PHF2: variants seen among roughly 807,000 people sequenced by gnomAD.
The protein encoded by PHF2 is PHD finger protein 2.
In PHF2, 27 loss-of-function variants were observed where a neutral mutation model predicts 120.5. The ratio of observed to expected loss-of-function variants is 0.22; its 90% CI spans 0.17 to 0.31. PHF2 has a LOEUF of 0.31. Among genes scored for constraint, PHF2 ranks in the 10% least tolerant of loss-of-function variants. The pLI is 1.00. For synonymous variants in PHF2, 568 were observed against 592.5 expected (o/e 0.96, Z 0.60); for missense variants, 1,024 against 1,434.8 (o/e 0.71, Z 4.63).
intron 20 of PHF2, 64 bp from the exon 21 acceptor site, chr9:93,676,530 C>T (rs1826914381): frequency 2.6e-6 from 4 of 1,532,774 alleles, no homozygotes; most frequent in East Asian, 2.3e-5. Flanking sequence ...ATGCCGGGAG[C>T]TCCCTGCTCT....
intron 9 of PHF2, 81 bp from the exon 10 acceptor site, chr9:93,658,064 C>G (rs1826491215): frequency 2.2e-6 from 2 of 907,870 alleles, no homozygotes; most frequent in Admixed American, 4.0e-5. Flanking sequence ...CTGGCATCCC[C>G]CGGTCTGGCT....
At chr9:93,662,766 G>A in intron 12 of PHF2, 141 bp from the exon 13 acceptor site, 1 of 870,668 alleles carries the variant, frequency 1.1e-6, no homozygotes, top group Non-Finnish European at 1.8e-6. Context: ...ATGGGTGGGT[G>A]AATGGATGCG....
chr9:93,612,229 A>G (rs891002508), intron 1 of PHF2, among the ~76,000 whole-genome samples: 8 of 152,240 alleles, frequency 5.3e-5, no homozygotes, highest in African/African-American at 1.9e-4. Flanking sequence ...TGCTGCAGTG[A>G]ATACACATGA....
intron 4 of PHF2, among the ~76,000 whole-genome samples, chr9:93,646,503 G>A (rs929078561): frequency 2.6e-5 from 4 of 152,210 alleles, no homozygotes; most frequent in Admixed American, 1.3e-4. Flanking sequence ...AACCCTGAAC[G>A]GGCAAACCCC....
intron 1 of PHF2, among the ~76,000 whole-genome samples, chr9:93,587,056 C>T (rs1222883165): frequency 6.6e-6 from 1 of 152,240 alleles, no homozygotes; most frequent in African/African-American, 2.4e-5. Context: ...GAGGACAAGG[C>T]ACAACATTCT....
At position 93,630,001 on chromosome 9, in the gene PHF2, G is replaced by C. The variant is rs773872264; in HGVS notation, c.130G>C (p.Asp44His). 6.2e-7 allele frequency: 1 copy of C among 1,613,868 alleles called. No homozygotes were observed. The highest frequency in any genetic ancestry group is 8.5e-7 in the Non-Finnish European group (1 of 1,180,024). The change falls in exon 2 of 22, where the codon GAC becomes CAC. Residue 44 changes from aspartate to histidine, a missense_variant. Coordinates refer to ENST00000359246, the MANE Select transcript of PHF2 (RefSeq NM_005392.4). Reference protein sequence around the residue: ...CVGVEEEEAPDIDIYHCPNCE... With the variant: ...CVGVEEEEAPHIDIYHCPNCE... ...TGGGGTGGAAGAGGAGGAGGCGCCCGACATCGACATATACCACTGCCCAAA... is the reference window on the plus strand; with the variant it reads ...TGGGGTGGAAGAGGAGGAGGCGCCCCACATCGACATATACCACTGCCCAAA...
chr9:93,671,721 C>A (rs1394849573), intron 17 of PHF2, among the ~76,000 whole-genome samples: 11 of 126,178 alleles, frequency 8.7e-5, no homozygotes, highest in Non-Finnish European at 1.8e-4. Flanking sequence ...GGTGTAGATG[C>A]AGGTGTGGGT....
At chr9:93,626,574 T>C (rs536921566) in intron 1 of PHF2, among the ~76,000 whole-genome samples, 1 of 152,238 alleles carries the variant, frequency 6.6e-6, no homozygotes, top group African/African-American at 2.4e-5. Flanking sequence ...CAAAAAAGTT[T>C]TTAATTTTGA....
At chr9:93,605,668 C>T (rs114765802) in intron 1 of PHF2, among the ~76,000 whole-genome samples, 10 of 152,146 alleles carry the variant, frequency 6.6e-5, no homozygotes, top group East Asian at 1.9e-4. Flanking sequence ...CGTAGTATGT[C>T]GGCTTTTCAC....
chr9:93,633,282 A>G (rs115030881), intron 2 of PHF2, among the ~76,000 whole-genome samples: 4,384 of 152,302 alleles, frequency 0.029, 203 homozygotes, highest in African/African-American at 0.098. Context: ...GGCAGGGGCC[A>G]TAGGCCCACA....
chr9:93,631,319 G>C (rs566481605), intron 2 of PHF2, among the ~76,000 whole-genome samples: 112 of 152,216 alleles, frequency 7.4e-4, no homozygotes, highest in Middle Eastern at 6.8e-3. Context: ...TTCAGGTCTC[G>C]ACCCTATCCC....
At chr9:93,659,994 C>T (rs1055112546) in intron 11 of PHF2, among the ~76,000 whole-genome samples, 198 bp from the exon 12 acceptor site, 2 of 152,094 alleles carry the variant, frequency 1.3e-5, no homozygotes, top group Non-Finnish European at 2.9e-5. Flanking sequence ...CATGGCATGT[C>T]GCAGGTGTGA....
chr9:93,636,478 T>G lies in PHF2; in HGVS notation c.252T>G (p.Asn84Lys). 1.2e-6 allele frequency: 2 copies of G among 1,608,120 alleles called. No individual in the cohort carries two copies. The highest frequency in any genetic ancestry group is 1.7e-6 in the Non-Finnish European group (2 of 1,177,654). Residue 84 changes from asparagine (N) to lysine (K), a missense_variant, in exon 3 of 22, where the codon AAT (asparagine) becomes AAG (lysine). Transcript: ENST00000359246. ...CGCCTGACGTCAAGCCCGTGCAGAATGGCAGCCAGCTCTTCATCAAGGAGC... is the reference window on the plus strand; with the variant it reads ...CGCCTGACGTCAAGCCCGTGCAGAAGGGCAGCCAGCTCTTCATCAAGGAGC... The part of the protein sequence containing the change: ...GQAPDVKPVQ[N>K]GSQLFIKELR...
intron 1 of PHF2, among the ~76,000 whole-genome samples, chr9:93,590,470 C>T (rs1022765784): frequency 6.6e-6 from 1 of 152,232 alleles, no homozygotes; most frequent in African/African-American, 2.4e-5. Context: ...GCAGGTGCTT[C>T]CTGGATGCTC....
intron 1 of PHF2, among the ~76,000 whole-genome samples, chr9:93,625,784 C>G (rs1038716603): frequency 1.3e-5 from 2 of 151,710 alleles, no homozygotes; most frequent in Non-Finnish European, 2.9e-5. Flanking sequence ...AGTACCTATT[C>G]TTAATTCTTT....
chr9:93,642,364 T>C (rs1223079896), intron 3 of PHF2, among the ~76,000 whole-genome samples: 1 of 152,266 alleles, frequency 6.6e-6, no homozygotes, highest in Non-Finnish European at 1.5e-5. Flanking sequence ...AGTTTTCCAT[T>C]GTTTCTTGAA....
intron 1 of PHF2, 36 bp from the exon 2 acceptor site, chr9:93,629,934 A>T: frequency 6.3e-7 from 1 of 1,598,966 alleles, no homozygotes; most frequent in East Asian, 2.2e-5. Context: ...GGGGGTGCTG[A>T]ATGCCTAGGT....
In PHF2 at chr9:93,679,192, T is replaced by C; in HGVS notation, c.*1516T>C. ...TTATATACCCATTACCTGGATGTTT[T>C]TGTCCACTGGGAGAGGCAGCTTGGT... On this transcript the variant is annotated 3_prime_UTR_variant, in exon 22 of 22. Transcript: ENST00000359246. The C allele has an allele frequency of 2.2e-6, 1 of 455,192 alleles. No individual in the cohort carries two copies. The highest frequency in any genetic ancestry group is 4.4e-6 in the Non-Finnish European group (1 of 226,702). The allele number at this position is 455,192 out of a possible 1,614,324, so 28.2% of individuals were successfully genotyped here.
rs373659582 is a variant in PHF2, at chr9:93,649,180, C to T, written c.570C>T (p.Leu190=). The stretch of plus-strand genomic sequence containing the variant: ...ACAGCACCAACCGCAAGCGGGTCCT[C>T]AACGTCACCAACCTCGAGTTCTCTG... ...YYYSTNRKRV[L]NVTNLEFSDT... The change falls in exon 5 of 22, where the codon CTC becomes CTT. Residue 190 remains leucine (L), a synonymous_variant. Coordinates refer to ENST00000359246, the MANE Select transcript of PHF2 (RefSeq NM_005392.4). 3.1e-5 allele frequency: 48 copies of T among 1,530,438 alleles called. No individual in the cohort carries two copies. In the African/African-American group the frequency reaches 5.5e-4, roughly 18 times the overall value. 94.8% of individuals were successfully genotyped at this position (1,530,438 alleles called of 1,614,324 possible).
Sources: gnomAD v4.1 joint callset for allele counts (sites outside exome capture counted in the v4.1 genomes callset) on GRCh38, gnomAD v4.1.1 for gene constraint, MANE v1.5 for transcripts, NCBI Gene and HGNC (gene_info 2026-07-23, HGNC 2026-07-21) for gene names.